Variants in UBASH3A observed in about 807,000 individuals in gnomAD.
UBASH3A encodes the protein ubiquitin-associated and SH3 domain-containing protein A.
UBASH3A carries 63 observed loss-of-function variants against 73.5 expected under a neutral mutation model. That is an observed-to-expected ratio of 0.86 (90% CI 0.70 to 1.06). The LOEUF is 1.06. Ranked by LOEUF, UBASH3A falls within the 50% of genes least tolerant of loss-of-function variation. The pLI is 0.00. For synonymous variants in UBASH3A, 363 were observed against 351.1 expected (o/e 1.03, Z -0.38); for missense variants, 860 against 859.0 (o/e 1.00, Z -0.02).
In UBASH3A at chr21:42,413,452, G is replaced by C. The variant is rs1427307162; in HGVS notation, c.596G>C (p.Gly199Ala). 1 of 1,614,132 alleles carries C rather than the reference G, an allele frequency of 6.2e-7. No homozygotes were observed. The change falls in exon 5 of 15, where the codon GGA becomes GCA. Residue 199 changes from glycine (G) to alanine (A), a missense_variant. Physicochemically the swap from Gly to Ala is moderately conservative, Grantham distance 60. Coordinates refer to ENST00000319294, the MANE Select transcript of UBASH3A (RefSeq NM_018961.4). The surrounding 1 kb of genome is among the most constrained non-coding windows in gnomAD (Gnocchi z 4.5). ...SRFWIFSQVP[G>A]HGPNLRLSNL... Reference sequence around the variant, plus strand: ...TTCTGGATTTTCAGCCAGGTGCCTGGACATGGCCCTAACCTGAGGCTGAGC... The same window carrying C: ...TTCTGGATTTTCAGCCAGGTGCCTGCACATGGCCCTAACCTGAGGCTGAGC...
chr21:42,430,762 G>A (rs528049323), intron 8 of UBASH3A, among the ~76,000 whole-genome samples: 95 of 152,326 alleles, frequency 6.2e-4, no homozygotes, highest in Non-Finnish European at 1.1e-3. Context: ...GCTGTGGACT[G>A]CAGCTTCATG....
chr21:42,411,128 C>T (rs899809877), intron 3 of UBASH3A, among the ~76,000 whole-genome samples: 23 of 148,144 alleles, frequency 1.6e-4, no homozygotes, highest in Middle Eastern at 3.6e-3. Flanking sequence ...GACACAGAGA[C>T]GTACACAGCA....
chr21:42,409,075 TC>T (rs888630153), intron 2 of UBASH3A, among the ~76,000 whole-genome samples: 1 of 152,182 alleles, frequency 6.6e-6, no homozygotes, highest in Non-Finnish European at 1.5e-5. Context: ...CACAAAATTT[TC>T]CCACACCATC....
At chr21:42,442,898 G>A (rs1430611145) in intron 12 of UBASH3A, among the ~76,000 whole-genome samples, 1 of 152,150 alleles carries the variant, frequency 6.6e-6, no homozygotes, top group Admixed American at 6.5e-5. Flanking sequence ...GACATCACCT[G>A]GGGGGTGGTA....
At chr21:42,435,968 T>C (rs1316769381) in intron 10 of UBASH3A, among the ~76,000 whole-genome samples, 2 of 151,806 alleles carry the variant, frequency 1.3e-5, no homozygotes, top group Non-Finnish European at 2.9e-5. Flanking sequence ...TATAGAGTCA[T>C]AGAATTATAG....
chr21:42,409,467 C>T lies in UBASH3A; in HGVS notation c.213C>T (p.Pro71=). 6.2e-7 allele frequency: 1 copy of T among 1,613,798 alleles called. No homozygotes were observed. The highest frequency in any genetic ancestry group is 1.1e-5 in the South Asian group (1 of 91,048). The part of the protein sequence containing the change: ...CNDPSLDDPI[P]QEYALFLCPT... ...ACCCTTCCCTAGACGACCCCATCCC[C>T]CAGGAGTATGCCCTTTTCCTCTGTC... The change falls in exon 3 of 15, where the codon CCC becomes CCT. Residue 71 remains proline (P), a synonymous_variant. Coordinates refer to ENST00000319294, the MANE Select transcript of UBASH3A (RefSeq NM_018961.4).
At chr21:42,408,110 G>C (rs548963221) in intron 2 of UBASH3A, among the ~76,000 whole-genome samples, 1 of 152,246 alleles carries the variant, frequency 6.6e-6, no homozygotes, top group Non-Finnish European at 1.5e-5. Context: ...CACCCTCTGG[G>C]TGAACCCTGG....
chr21:42,407,952 G>A (rs527433506), intron 2 of UBASH3A, among the ~76,000 whole-genome samples: 22 of 152,226 alleles, frequency 1.4e-4, no homozygotes, highest in South Asian at 4.1e-4. Flanking sequence ...CACTAGACAC[G>A]TGTGTATCAA....
intron 9 of UBASH3A, 144 bp from the exon 10 acceptor site, chr21:42,434,688 C>A: frequency 1.1e-6 from 1 of 916,686 alleles, no homozygotes; most frequent in Non-Finnish European, 1.6e-6. Flanking sequence ...AGCCACGTTG[C>A]AGAGAATGTT....
intron 8 of UBASH3A, among the ~76,000 whole-genome samples, chr21:42,431,842 A>G (rs543252443): frequency 1.3e-5 from 2 of 152,388 alleles, no homozygotes; most frequent in Admixed American, 6.5e-5. Flanking sequence ...CGGATGTGTC[A>G]TGATAGGGGC....
At chr21:42,443,541 C>T (rs1379346113) in intron 13 of UBASH3A, 123 bp downstream of exon 13, 19 of 791,196 alleles carry the variant, frequency 2.4e-5, no homozygotes, top group Non-Finnish European at 3.7e-5. Flanking sequence ...GCCCCCGCCC[C>T]CATTCTCCAG....
intron 10 of UBASH3A, among the ~76,000 whole-genome samples, chr21:42,436,186 T>C (rs1190278168): frequency 6.6e-6 from 1 of 151,674 alleles, no homozygotes; most frequent in African/African-American, 2.4e-5. Context: ...TAGAGTTAGT[T>C]ATAGAGTTAT....
chr21:42,434,562 T>TG (rs1043002151), intron 9 of UBASH3A, among the ~76,000 whole-genome samples: 2 of 152,226 alleles, frequency 1.3e-5, no homozygotes, highest in African/African-American at 4.8e-5. Flanking sequence ...TGAATCTTCA[T>TG]GGGGCATTTT....
At chr21:42,408,641 A>G (rs910350123) in intron 2 of UBASH3A, among the ~76,000 whole-genome samples, 1 of 152,170 alleles carries the variant, frequency 6.6e-6, no homozygotes, top group Non-Finnish European at 1.5e-5. Flanking sequence ...TGTGAACTTG[A>G]CAGATGAGAA....
In UBASH3A at chr21:42,447,407, G is replaced by A. The variant is rs1472016254; in HGVS notation, c.*213G>A. ...CCATCGTCCACCAGCCCAGCTGCGGGGAGCACAGGGCAGGTGGCTGGGTGA... is the reference window on the plus strand; with the variant it reads ...CCATCGTCCACCAGCCCAGCTGCGGAGAGCACAGGGCAGGTGGCTGGGTGA... On this transcript the variant is annotated 3_prime_UTR_variant, in exon 15 of 15. Transcript: ENST00000319294. 5.7e-6 allele frequency: 3 copies of A among 526,546 alleles called. No homozygotes were observed. Among genetic ancestry groups the A allele is most frequent in the African/African-American group, 3.9e-5 (2 of 51,452 alleles). 32.6% of individuals were successfully genotyped at this position (526,546 alleles called of 1,614,324 possible). A position where few individuals can be genotyped will look rare whatever the true frequency, so the allele number is the denominator to read the frequency against.
At chr21:42,410,226 G>T in intron 3 of UBASH3A, 2 of 698,698 alleles carry the variant, frequency 2.9e-6, no homozygotes, top group South Asian at 3.0e-5. Context: ...AGAAGAATGT[G>T]GGAGCTGCTC....
chr21:42,433,015 T>C (rs1261100226), intron 9 of UBASH3A, among the ~76,000 whole-genome samples: 1 of 152,216 alleles, frequency 6.6e-6, no homozygotes, highest in African/African-American at 2.4e-5. Context: ...TTACTGAAGC[T>C]ATAGATTGAA....
In UBASH3A at chr21:42,443,413, A is replaced by G; in HGVS notation, c.1733A>G (p.Gln578Arg). Reference sequence around the variant, plus strand: ...GTGCAAATCGTCAACACCTGTCCACAGGACAGTAAGTGCCTCACCATCCTC... The same window carrying G: ...GTGCAAATCGTCAACACCTGTCCACGGGACAGTAAGTGCCTCACCATCCTC... Reference protein sequence around the residue: ...SMVQIVNTCPQDTGVILIVSH... With the variant: ...SMVQIVNTCPRDTGVILIVSH... The change falls in exon 13 of 15, where the codon CAG (glutamine) becomes CGG (arginine). Residue 578 changes from glutamine to arginine, a missense_variant. Transcript: ENST00000319294. 6.2e-7 allele frequency: 1 copy of G among 1,603,476 alleles called. No homozygotes were observed. The highest frequency in any genetic ancestry group is 8.5e-7 in the Non-Finnish European group (1 of 1,174,784).
intron 9 of UBASH3A, 37 bp downstream of exon 9, chr21:42,432,239 C>G (rs372155766): frequency 9.4e-5 from 132 of 1,404,550 alleles, no homozygotes; most frequent in Non-Finnish European, 1.2e-4. Flanking sequence ...GACAGAAACA[C>G]TGTAGATCTA....
Sources: gnomAD v4.1 joint callset for allele counts (sites outside exome capture counted in the v4.1 genomes callset) on GRCh38, gnomAD v4.1.1 for gene constraint, Gnocchi (gnomAD v3.1) non-coding constraint, MANE v1.5 for transcripts, NCBI Gene and HGNC (gene_info 2026-07-23, HGNC 2026-07-21) for gene names.